Variants in INPP4B observed in about 807,000 individuals in gnomAD.
INPP4B encodes inositol polyphosphate 4-phosphatase type II.
A neutral mutation model predicts 122.5 loss-of-function variants in INPP4B; 55 were observed. The observed-to-expected ratio is 0.45, with a 90% CI of 0.36 to 0.56. The LOEUF (loss-of-function observed/expected upper bound fraction) is 0.56, where lower values mean the gene tolerates loss of function less well. Among genes scored for constraint, INPP4B ranks in the 20% least tolerant of loss-of-function variants. INPP4B has a pLI of 0.00. For missense variants in INPP4B, 1,000 were observed against 1,097.7 expected (o/e 0.91, Z 1.26); for synonymous variants, 403 against 388.7 (o/e 1.04, Z -0.43).
chr4:142,578,310 G>A (rs761326137), intron 2 of INPP4B, among the ~76,000 whole-genome samples: 16 of 151,904 alleles, frequency 1.1e-4, no homozygotes, highest in Admixed American at 3.3e-4. Context: ...GATTTGCCTC[G>A]TGACTATCTT....
intron 2 of INPP4B, among the ~76,000 whole-genome samples, chr4:142,480,157 A>G (rs1466802901): frequency 6.6e-6 from 1 of 152,206 alleles, no homozygotes; most frequent in Non-Finnish European, 1.5e-5. Context: ...CAAAACCTAT[A>G]CTTATACTAA....
At chr4:142,666,615 T>A (rs886166628) in intron 2 of INPP4B, among the ~76,000 whole-genome samples, 1 of 152,138 alleles carries the variant, frequency 6.6e-6, no homozygotes, top group Non-Finnish European at 1.5e-5. Context: ...AAAATTAAAA[T>A]TTTTAATGTG....
At chr4:142,184,918 G>A (rs545002891) in intron 15 of INPP4B, among the ~76,000 whole-genome samples, 2 of 152,264 alleles carry the variant, frequency 1.3e-5, no homozygotes, top group African/African-American at 4.8e-5. Flanking sequence ...TCTCCTGCAA[G>A]CAAGAGGCAG....
chr4:142,774,520 T>C (rs2151008955), intron 1 of INPP4B, among the ~76,000 whole-genome samples: 1 of 152,230 alleles, frequency 6.6e-6, no homozygotes, highest in East Asian at 1.9e-4. Context: ...GCATGATCCC[T>C]TTACATACAA....
intron 7 of INPP4B, among the ~76,000 whole-genome samples, chr4:142,380,741 T>C (rs977656545): frequency 3.2e-4 from 48 of 152,248 alleles, no homozygotes; most frequent in African/African-American, 9.6e-4. Flanking sequence ...CATATTTTTC[T>C]GCATACTCAT....
intron 9 of INPP4B, among the ~76,000 whole-genome samples, chr4:142,282,108 A>G (rs945972120): frequency 6.6e-6 from 1 of 152,124 alleles, no homozygotes; most frequent in Non-Finnish European, 1.5e-5. Flanking sequence ...TAAGCAGGGT[A>G]AAAGGTGGAT....
At chr4:142,153,647 A>ATTAAATTAC (rs1815595539) in intron 17 of INPP4B, among the ~76,000 whole-genome samples, 1 of 152,186 alleles carries the variant, frequency 6.6e-6, no homozygotes, top group South Asian at 2.1e-4. Context: ...ACATTAATAG[A>ATTAAATTAC]AGTAAAATAT....
intron 1 of INPP4B, among the ~76,000 whole-genome samples, chr4:142,803,914 C>A (rs541301635): frequency 6.6e-6 from 1 of 151,990 alleles, no homozygotes; most frequent in African/African-American, 2.4e-5. Context: ...AAAAAATTAG[C>A]TGGGCATGGC....
chr4:142,510,476 C>T (rs1388083852), intron 2 of INPP4B, among the ~76,000 whole-genome samples: 1 of 152,164 alleles, frequency 6.6e-6, no homozygotes, highest in East Asian at 1.9e-4. Context: ...ACATTGATCT[C>T]ATTTTATTTG....
At chr4:142,507,991 T>G (rs1267048165) in intron 2 of INPP4B, among the ~76,000 whole-genome samples, 2 of 152,148 alleles carry the variant, frequency 1.3e-5, no homozygotes, top group African/African-American at 4.8e-5. Flanking sequence ...ACCCCCCTTT[T>G]CTTAAAGCAT....
intron 2 of INPP4B, among the ~76,000 whole-genome samples, chr4:142,535,079 T>A (rs1424662197): frequency 6.6e-6 from 1 of 152,180 alleles, no homozygotes; most frequent in African/African-American, 2.4e-5. Context: ...GTAAACATTA[T>A]CTTGAGGGAC....
intron 16 of INPP4B, among the ~76,000 whole-genome samples, chr4:142,171,856 G>A (rs1413577593): frequency 1.3e-5 from 2 of 151,832 alleles, no homozygotes; most frequent in Non-Finnish European, 2.9e-5. Flanking sequence ...CAAAATCACT[G>A]CAGCAAGTTG....
intron 25 of INPP4B, among the ~76,000 whole-genome samples, chr4:142,065,830 T>C (rs1415615554): frequency 6.6e-6 from 1 of 152,158 alleles, no homozygotes; most frequent in Non-Finnish European, 1.5e-5. Context: ...TAGTTTATTA[T>C]AAAGGTATTA....
At chr4:142,203,523 G>A (rs1841535983) in intron 14 of INPP4B, among the ~76,000 whole-genome samples, 1 of 151,842 alleles carries the variant, frequency 6.6e-6, no homozygotes, top group Admixed American at 6.6e-5. Context: ...TTGAATTTTG[G>A]GGTTTATGTT....
intron 12 of INPP4B, among the ~76,000 whole-genome samples, chr4:142,219,017 TTGCATC>T (rs1848385598): frequency 6.6e-6 from 1 of 152,138 alleles, no homozygotes; most frequent in African/African-American, 2.4e-5. Context: ...TGGATAAAAA[TTGCATC>T]CATAAATCAC....
At chr4:142,264,529 G>C (rs890860135) in intron 10 of INPP4B, among the ~76,000 whole-genome samples, 9 of 152,128 alleles carry the variant, frequency 5.9e-5, no homozygotes, top group African/African-American at 1.9e-4. Flanking sequence ...TTCTATGTGT[G>C]TATATATTGA....
At chr4:142,248,630 A>ATGTGTGTGTG (rs35550228) in intron 11 of INPP4B, among the ~76,000 whole-genome samples, 1 of 148,544 alleles carries the variant, frequency 6.7e-6, no homozygotes, top group African/African-American at 2.5e-5. Context: ...CACTCTCTGT[A>ATGTGTGTGTG]TGTGTGTGTG....
intron 7 of INPP4B, among the ~76,000 whole-genome samples, chr4:142,395,053 C>T (rs984467653): frequency 3.9e-5 from 6 of 152,318 alleles, no homozygotes; most frequent in African/African-American, 1.4e-4. Flanking sequence ...AGTGTCAATG[C>T]TTATCCTTTC....
chr4:142,835,490 T>C (rs1233027444), intron 1 of INPP4B, among the ~76,000 whole-genome samples: 2 of 152,218 alleles, frequency 1.3e-5, no homozygotes, highest in Non-Finnish European at 2.9e-5. Context: ...AATTCTGGAC[T>C]ATTTTCATTT....
Sources: gnomAD v4.1 joint callset for allele counts (sites outside exome capture counted in the v4.1 genomes callset) on GRCh38, gnomAD v4.1.1 for gene constraint, MANE v1.5 for transcripts, NCBI Gene and HGNC (gene_info 2026-07-23, HGNC 2026-07-21) for gene names.